ATP8B3: variants seen among roughly 807,000 people sequenced by gnomAD.
ATP8B3 encodes ATPase phospholipid transporting 8B3.
A neutral mutation model predicts 140.9 loss-of-function variants in ATP8B3; 141 were observed. The ratio of observed to expected loss-of-function variants is 1.00; its 90% CI spans 0.87 to 1.15. The LOEUF (loss-of-function observed/expected upper bound fraction) is 1.15, where lower values mean the gene tolerates loss of function less well. ATP8B3 is among the 50% of genes most tolerant of loss of function. ATP8B3 has a pLI of 0.00. For synonymous variants in ATP8B3, 765 were observed against 714.6 expected, an observed-to-expected ratio of 1.07 and a Z score of -1.13; for missense variants, 1,874 against 1,740.6, an observed-to-expected ratio of 1.08 and a Z score of -1.36.
In ATP8B3 at chr19:1,802,562, C is replaced by T; in HGVS notation, c.988G>A (p.Asp330Asn). Residue 330 changes from aspartate (D) to asparagine (N), a missense_variant, in exon 11 of 29, where the codon GAC becomes AAC. This residue lies in a region of ATP8B3 where 1,032 missense variants were observed against 963.6 expected (regional missense o/e 1.07). Coordinates refer to ENST00000310127, the MANE Select transcript of ATP8B3 (RefSeq NM_138813.4). ...CCTCGGAGGAGGAGGTTGCCAATGTCCAGGGAGTATTTCTTGTCATTCCAT... is the reference window on the plus strand; with the variant it reads ...CCTCGGAGGAGGAGGTTGCCAATGTTCAGGGAGTATTTCTTGTCATTCCAT... Reference protein sequence around the residue: ...LEWNDKKYSLDIGNLLLRGCR... With the variant: ...LEWNDKKYSLNIGNLLLRGCR... 6.2e-7 allele frequency: 1 copy of T among 1,611,032 alleles called. No homozygotes were observed. The highest frequency in any genetic ancestry group is 8.5e-7 in the Non-Finnish European group (1 of 1,179,474).
intron 12 of ATP8B3, among the ~76,000 whole-genome samples, chr19:1,801,709 G>A (rs947824308): frequency 1.3e-5 from 2 of 152,052 alleles, no homozygotes; most frequent in Non-Finnish European, 2.9e-5. Flanking sequence ...CCAAGATCAC[G>A]CCACTGCACT....
At chr19:1,784,648 C>T (rs1427251829) in intron 28 of ATP8B3, among the ~76,000 whole-genome samples, 171 bp downstream of exon 28, 1 of 152,164 alleles carries the variant, frequency 6.6e-6, no homozygotes, top group East Asian at 1.9e-4. Context: ...AATCGGGCCC[C>T]GGGGGCACTG....
In ATP8B3 at chr19:1,806,659, TG is replaced by T; in HGVS notation, c.645del (p.Asn215LysfsTer8). The T allele has an allele frequency of 6.4e-7, 1 of 1,565,482 alleles. No individual in the cohort carries two copies. Among genetic ancestry groups the T allele is most frequent in the Non-Finnish European group, 8.7e-7 (1 of 1,155,336 alleles). ...MGRHKSDRAI[N>X]NRPCQILMGK... is the part of the protein sequence containing the mutation. ...CCCATCAGAATCTGGCAGGGTCTGT[TG>T]TTGATGGCTCTGTCACTCTTGTGTC... On this transcript the variant is annotated frameshift_variant, in exon 7 of 29. Coordinates refer to ENST00000310127, the MANE Select transcript of ATP8B3 (RefSeq NM_138813.4). LOFTEE classifies it high-confidence loss of function. The surrounding 1 kb of genome is among the most constrained non-coding windows in gnomAD (Gnocchi z 5.6).
At position 1,806,023 on chromosome 19, in the gene ATP8B3, C is replaced by T; in HGVS notation, c.751-65G>A. On this transcript the variant is annotated intron_variant, in intron 8 of 28. Coordinates refer to ENST00000310127, the MANE Select transcript of ATP8B3 (RefSeq NM_138813.4). This position sits in a 1 kb window ranked among gnomAD's most constrained non-coding sequence, Gnocchi z 5.6. ...AAGACAAATTGGGGGTGCGGCAGCCCTCCCCACCCTGGGAGGGGTGCTCTC... is the reference window on the plus strand; with the variant it reads ...AAGACAAATTGGGGGTGCGGCAGCCTTCCCCACCCTGGGAGGGGTGCTCTC... 6.2e-7 allele frequency: 1 copy of T among 1,607,744 alleles called. No homozygotes were observed. Among genetic ancestry groups the T allele is most frequent in the South Asian group, 1.1e-5 (1 of 90,650 alleles).
Position 1,800,831 on chromosome 19 carries a change from A to ATTT in ATP8B3, c.1153-385_1153-383dup, listed in dbSNP as rs1274237034. Among the ~76,000 whole-genome samples the ATTT allele has an allele frequency of 1.5e-5, 2 of 136,198 alleles. No homozygotes were observed. Among genetic ancestry groups the ATTT allele is most frequent in the East Asian group, 2.2e-4 (1 of 4,580 alleles). The allele number at this position is 136,198 out of a possible 152,430, so 89.4% of individuals were successfully genotyped here. On this transcript the variant is annotated intron_variant, in intron 12 of 28. Coordinates refer to ENST00000310127, the MANE Select transcript of ATP8B3 (RefSeq NM_138813.4). This position sits in a 1 kb window ranked among gnomAD's most constrained non-coding sequence, Gnocchi z 4.4. ...AGATAGAAAAACTTTTTTTTTTTTA[A>ATTT]TTTTTTTTTTTTTTTGAGACAGAGT...
At position 1,807,177 on chromosome 19, in the gene ATP8B3, C is replaced by T. The variant is rs1350258695; in HGVS notation, c.606G>A (p.Val202=). Residue 202 remains valine (V), a synonymous_variant, in exon 6 of 29, where the codon GTG becomes GTA. Coordinates refer to ENST00000310127, the MANE Select transcript of ATP8B3 (RefSeq NM_138813.4). This position sits in a 1 kb window ranked among gnomAD's most constrained non-coding sequence, Gnocchi z 5.9. ...LLFIRATRDL[V]DDMGRHKSDR... ...ATCCAACAGCACTCACCATGTCGTC[C>T]ACCAGGTCCCGGGTGGCACGGATGA... The T allele has an allele frequency of 6.2e-7, 1 of 1,612,670 alleles. No homozygotes were observed. Among genetic ancestry groups the T allele is most frequent in the Non-Finnish European group, 8.5e-7 (1 of 1,179,526 alleles).
At chr19:1,789,286 C>G in intron 23 of ATP8B3, 75 bp downstream of exon 23, 1 of 1,431,658 alleles carries the variant, frequency 7.0e-7, no homozygotes, top group South Asian at 1.4e-5. Flanking sequence ...CCCAGGTCCC[C>G]CCAGTCCCAC....
rs1353301729 is a variant in ATP8B3 at position 1,805,229 on chromosome 19, C to T, written c.904+145G>A. ...GGCTGAAGTGATTCTCCTGCCTCAG[C>T]CTCCCAAAGTGCTGGGATTCCAGGT... is the stretch of plus-strand genomic sequence containing the variant. On this transcript the variant is annotated intron_variant, in intron 10 of 28. Coordinates refer to ENST00000310127, the MANE Select transcript of ATP8B3 (RefSeq NM_138813.4). The surrounding 1 kb of genome is among the most constrained non-coding windows in gnomAD (Gnocchi z 5.2). The T allele has an allele frequency of 6.5e-6, 5 of 766,994 alleles. No homozygotes were observed. In the East Asian group the frequency reaches 1.1e-4, roughly 17 times the overall value. The allele number at this position is 766,994 out of a possible 1,614,324, so 47.5% of individuals were successfully genotyped here.
rs375568076 is a variant in ATP8B3, at chr19:1,805,839, G to A, written c.821+49C>T. The A allele has an allele frequency of 7.8e-5, 125 of 1,607,260 alleles. No homozygotes were observed. In the African/African-American group the frequency reaches 1.5e-3, roughly 19 times the overall value. On this transcript the variant is annotated intron_variant, in intron 9 of 28. Transcript: ENST00000310127. The surrounding 1 kb of genome is among the most constrained non-coding windows in gnomAD (Gnocchi z 5.2). ...TGACTGGGGAAGGGGGCTCCTCCGG[G>A]CCATGCTCCCCACCCCCCAGGGTCC... is the stretch of plus-strand genomic sequence containing the variant.
At chr19:1,788,248 G>T (rs12461977) in intron 24 of ATP8B3, among the ~76,000 whole-genome samples, 118,378 of 152,072 alleles carry the variant, frequency 0.78, 46,354 homozygotes, top group African/African-American at 0.86. Context: ...CTCAGAGTCT[G>T]GACCAGAGCC....
At chr19:1,787,750 A>AC (rs2068353542) in intron 24 of ATP8B3, among the ~76,000 whole-genome samples, 1 of 62,234 alleles carries the variant, frequency 1.6e-5, no homozygotes, top group Non-Finnish European at 3.3e-5. Flanking sequence ...AAAAAAAAAA[A>AC]AAAAAAAAAA....
At chr19:1,785,049 G>A (rs888889726) in intron 27 of ATP8B3, 103 bp from the exon 28 acceptor site, 19 of 1,492,832 alleles carry the variant, frequency 1.3e-5, no homozygotes, top group African/African-American at 7.0e-5. Flanking sequence ...ATAAAGGAGC[G>A]CCTTCCCCAG....
intron 21 of ATP8B3, 83 bp from the exon 22 acceptor site, chr19:1,790,072 C>T: frequency 2.0e-6 from 2 of 998,128 alleles, no homozygotes; most frequent in Non-Finnish European, 3.1e-6. Context: ...CCCTCCCACC[C>T]CTTCCACTGC....
Position 1,800,490 on chromosome 19 carries a change from GT to G in ATP8B3, c.1153-42del, listed in dbSNP as rs747192616. The G allele has an allele frequency of 6.4e-6, 10 of 1,561,566 alleles. No homozygotes were observed. Among genetic ancestry groups the G allele is most frequent in the Non-Finnish European group, 7.9e-6 (9 of 1,141,512 alleles). ...GACAGGGTGGGTGAGGGGGGCGGGG[GT>G]CCCCCACTCTGCCATCAGGATGGGG... On this transcript the variant is annotated intron_variant, in intron 12 of 28. Transcript: ENST00000310127. The surrounding 1 kb of genome is among the most constrained non-coding windows in gnomAD (Gnocchi z 4.4).
rs1308463712 is a variant in ATP8B3, at chr19:1,794,297, G to A, written c.2055+1578C>T. ...TCCGACAGGCCTTGACCCTTCTTCC[G>A]GCCTCAATTTACCCATCCATTCCCT... On this transcript the variant is annotated intron_variant, in intron 18 of 28. Transcript: ENST00000310127. This position sits in a 1 kb window ranked among gnomAD's most constrained non-coding sequence, Gnocchi z 4.8. Among the ~76,000 whole-genome samples, 2 of 152,114 alleles carry A rather than the reference G, an allele frequency of 1.3e-5. No homozygotes were observed. Among genetic ancestry groups the A allele is most frequent in the South Asian group, 2.1e-4 (1 of 4,816 alleles).
At chr19:1,797,468 T>TTTA (rs2068717673) in intron 14 of ATP8B3, among the ~76,000 whole-genome samples, 1 of 142,462 alleles carries the variant, frequency 7.0e-6, no homozygotes, top group Non-Finnish European at 1.5e-5. Context: ...TCTTTTTTAT[T>TTTA]TTTATTTATT....
intron 18 of ATP8B3, among the ~76,000 whole-genome samples, chr19:1,793,556 G>A (rs1019393075): frequency 6.6e-6 from 1 of 152,164 alleles, no homozygotes; most frequent in African/African-American, 2.4e-5. Context: ...TTTCTCAAGG[G>A]CCAGACCCAG....
chr19:1,793,926 G>A (rs964577061), intron 18 of ATP8B3, among the ~76,000 whole-genome samples: 3 of 152,022 alleles, frequency 2.0e-5, no homozygotes, highest in Non-Finnish European at 4.4e-5. Context: ...AGTTTTAGTA[G>A]AGACAGGGTT....
chr19:1,811,832 G>T lies in ATP8B3; in HGVS notation c.-96C>A. On this transcript the variant is annotated 5_prime_UTR_variant, in exon 2 of 29. Transcript: ENST00000310127. Reference sequence around the variant, plus strand: ...GAGACCCCCGTGGGGGCAGACTGGGGATTGGAGAGTTGGAGAGAATGCTCA... The same window carrying T: ...GAGACCCCCGTGGGGGCAGACTGGGTATTGGAGAGTTGGAGAGAATGCTCA... The T allele has an allele frequency of 1.5e-6, 2 of 1,330,852 alleles. No individual in the cohort carries two copies. The highest frequency in any genetic ancestry group is 1.5e-5 in the South Asian group (1 of 66,624). 82.4% of individuals were successfully genotyped at this position (1,330,852 alleles called of 1,614,324 possible).
Sources: allele counts gnomAD v4.1 joint callset (sites outside exome capture counted in the v4.1 genomes callset), GRCh38; gene constraint gnomAD v4.1.1; regional missense constraint gnomAD v4.1.1; non-coding constraint Gnocchi (gnomAD v3.1); transcripts MANE v1.5; gene names NCBI Gene and HGNC (gene_info 2026-07-23, HGNC 2026-07-21).